GPR39: variants seen among roughly 807,000 people sequenced by gnomAD.
GPR39 encodes G protein-coupled receptor 39, also known as zinc sensing receptor.
Under a neutral mutation model 18.4 loss-of-function variants are expected in GPR39, and 23 were observed. That is an observed-to-expected ratio of 1.25 (90% confidence interval 0.90 to 1.77). The LOEUF (loss-of-function observed/expected upper bound fraction) is 1.77, where lower values mean the gene tolerates loss of function less well. Among genes scored for constraint, GPR39 ranks in the 40% most tolerant of loss-of-function variants. The probability of loss-of-function intolerance (pLI) is 0.00; values close to 1 mark genes in which losing one functional copy is unlikely to be tolerated. For synonymous variants in GPR39, 280 were observed against 257.9 expected, an observed-to-expected ratio of 1.09 and a Z score of -0.82; for missense variants, 647 against 602.4, an observed-to-expected ratio of 1.07 and a Z score of -0.78.
At chr2:132,438,375 C>A (rs997117886) in intron 1 of GPR39, among the ~76,000 whole-genome samples, 5 of 152,080 alleles carry the variant, frequency 3.3e-5, no homozygotes, top group Non-Finnish European at 2.9e-5. Flanking sequence ...CTCAAGTGAT[C>A]CTCCTGTCTT....
Position 132,645,416 on chromosome 2 carries a change from C to G in GPR39, c.1172C>G (p.Pro391Arg), listed in dbSNP as rs200090353. The G allele has an allele frequency of 1.3e-5, 21 of 1,613,446 alleles. No individual in the cohort carries two copies. Among genetic ancestry groups the G allele is most frequent in the Non-Finnish European group, 1.6e-5 (19 of 1,180,032 alleles). ...TTDSARFVQR[P>R]LLFASRRQSS... ...GACAGCGCCCGCTTTGTGCAGCGCC[C>G]GTTGCTCTTCGCGTCCCGGCGCCAG... Residue 391 changes from proline to arginine, a missense_variant, in exon 2 of 2, where the codon CCG (proline) becomes CGG (arginine). By Grantham distance (103) the Pro-to-Arg change is moderately radical (BLOSUM62 -2). Around this residue, in one of 3 missense-constraint regions of GPR39, gnomAD observed 581 missense variants for 506.8 expected, o/e 1.15. Coordinates refer to ENST00000329321, the MANE Select transcript of GPR39 (RefSeq NM_001508.3).
rs548032534 is a variant in GPR39, at chr2:132,563,489, A to C, written c.857-81612A>C. Among the ~76,000 whole-genome samples the C allele has an allele frequency of 2.0e-5, 3 of 152,220 alleles. No individual in the cohort carries two copies. The East Asian group carries it at 5.8e-4, about 29-fold the overall frequency. On this transcript the variant is annotated intron_variant, in intron 1 of 1. Transcript: ENST00000329321. ...CTTGGGAGGCTGAGGTAGGAGTAAA[A>C]ATAAAATGAGTATCCTGTTTATAAA... is the stretch of plus-strand genomic sequence containing the variant.
intron 1 of GPR39, among the ~76,000 whole-genome samples, chr2:132,563,102 G>A (rs1654881794): frequency 6.6e-6 from 1 of 152,164 alleles, no homozygotes; most frequent in Admixed American, 6.5e-5. Context: ...TCTGATTCCA[G>A]GGATAAGGAT....
intron 1 of GPR39, among the ~76,000 whole-genome samples, chr2:132,559,790 AC>A (rs1162625205): frequency 1.3e-5 from 2 of 152,092 alleles, no homozygotes; most frequent in African/African-American, 4.8e-5. Flanking sequence ...TGTTCCAATC[AC>A]CTGGGGACCT....
intron 1 of GPR39, among the ~76,000 whole-genome samples, chr2:132,512,602 C>T (rs1233633290): frequency 6.6e-6 from 1 of 152,208 alleles, no homozygotes; most frequent in Non-Finnish European, 1.5e-5. Flanking sequence ...GTTACCTCAT[C>T]TCCCTGAGCC....
At chr2:132,637,510 C>T (rs1681783827) in intron 1 of GPR39, among the ~76,000 whole-genome samples, 1 of 152,234 alleles carries the variant, frequency 6.6e-6, no homozygotes, top group Non-Finnish European at 1.5e-5. Context: ...GCATTTACAT[C>T]ATTTTGAAGT....
chr2:132,586,032 G>A (rs1680724303), intron 1 of GPR39, among the ~76,000 whole-genome samples: 1 of 140,798 alleles, frequency 7.1e-6, no homozygotes, highest in Non-Finnish European at 1.5e-5. Flanking sequence ...TCCCATTTGT[G>A]GCGTCTGATT....
At chr2:132,524,899 A>G (rs1679482920) in intron 1 of GPR39, among the ~76,000 whole-genome samples, 1 of 152,142 alleles carries the variant, frequency 6.6e-6, no homozygotes, top group Non-Finnish European at 1.5e-5. Flanking sequence ...CCCTCCTTGA[A>G]TTCACGCTTC....
intron 1 of GPR39, among the ~76,000 whole-genome samples, chr2:132,541,241 G>A (rs1679856222): frequency 6.6e-6 from 1 of 151,990 alleles, no homozygotes; most frequent in African/African-American, 2.4e-5. Context: ...GTGTCACCAC[G>A]CTCAGCTAAT....
chr2:132,617,088 C>A (rs900790696), intron 1 of GPR39, among the ~76,000 whole-genome samples: 3 of 152,200 alleles, frequency 2.0e-5, no homozygotes, highest in African/African-American at 7.2e-5. Context: ...TTGGGTCTTC[C>A]AGTGCACACA....
chr2:132,600,053 T>TG (rs1288476877), intron 1 of GPR39, among the ~76,000 whole-genome samples: 1 of 152,234 alleles, frequency 6.6e-6, no homozygotes, highest in Non-Finnish European at 1.5e-5. Flanking sequence ...GTCTATACTT[T>TG]GGAGGTTACC....
In GPR39 at chr2:132,565,577, A is replaced by G. The variant is rs1188029019; in HGVS notation, c.857-79524A>G. ...CCCCCCACCCCACCACAGTCCCCAGAGTGTGATATTCCCCTTCATGTGTCC... is the reference window on the plus strand; with the variant it reads ...CCCCCCACCCCACCACAGTCCCCAGGGTGTGATATTCCCCTTCATGTGTCC... On this transcript the variant is annotated intron_variant, in intron 1 of 1. Transcript: ENST00000329321. 1.6e-3 allele frequency among the ~76,000 whole-genome samples: 187 copies of G among 114,078 alleles called. 1 individual carries two copies. Among genetic ancestry groups the G allele is most frequent in the African/African-American group, 5.7e-3 (164 of 28,966 alleles). 74.8% of individuals were successfully genotyped at this position (114,078 alleles called of 152,430 possible). A position where few individuals can be genotyped will look rare whatever the true frequency, so the allele number is the denominator to read the frequency against.
Position 132,585,866 on chromosome 2 carries a change from ATGT to A in GPR39, c.857-59227_857-59225del, listed in dbSNP as rs369084250. Among the ~76,000 whole-genome samples the A allele has an allele frequency of 9.7e-5, 14 of 144,128 alleles. No individual in the cohort carries two copies. The East Asian group carries it at 3.2e-3, about 33-fold the overall frequency. The allele number at this position is 144,128 out of a possible 152,430, so 94.6% of individuals were successfully genotyped here. ...AGGTGAAGGCCCCTGGGTTGGGCTT[ATGT>A]TGTTGTTATCGTGGGGTACCCGAGG... On this transcript the variant is annotated intron_variant, in intron 1 of 1. Transcript: ENST00000329321.
chr2:132,551,197 GCCA>G (rs536862386), intron 1 of GPR39, among the ~76,000 whole-genome samples: 349 of 149,646 alleles, frequency 2.3e-3, no homozygotes, highest in Non-Finnish European at 3.8e-3. Context: ...TAAGACAACT[GCCA>G]CAGTGCCAGC....
intron 1 of GPR39, among the ~76,000 whole-genome samples, chr2:132,499,924 A>C (rs1183658276): frequency 2.0e-5 from 3 of 152,184 alleles, no homozygotes; most frequent in Non-Finnish European, 2.9e-5. Flanking sequence ...ATTTGTGTAC[A>C]TTAATTTTGT....
intron 1 of GPR39, among the ~76,000 whole-genome samples, chr2:132,597,579 A>T (rs1160402938): frequency 6.6e-6 from 1 of 152,036 alleles, no homozygotes; most frequent in South Asian, 2.1e-4. Flanking sequence ...ATCCAGAAGC[A>T]CTCTTGGAAG....
chr2:132,617,918 T>C (rs1372155812), intron 1 of GPR39, among the ~76,000 whole-genome samples: 1 of 152,198 alleles, frequency 6.6e-6, no homozygotes, highest in Non-Finnish European at 1.5e-5. Flanking sequence ...CCAAAATAGA[T>C]GGAATTAACA....
intron 1 of GPR39, among the ~76,000 whole-genome samples, chr2:132,627,752 C>A (rs1324729805): frequency 6.6e-6 from 1 of 152,156 alleles, no homozygotes; most frequent in Non-Finnish European, 1.5e-5. Flanking sequence ...TTGAAAGGAG[C>A]CTCGGCCGTG....
In GPR39 at chr2:132,532,588, C is replaced by A. The variant is rs954201435; in HGVS notation, c.857-112513C>A. The stretch of plus-strand genomic sequence containing the variant: ...TATCCTTGATGAACATTGATGCAAA[C>A]ATCCTCAATAAAATACTGGCAAACC... On this transcript the variant is annotated intron_variant, in intron 1 of 1. Transcript: ENST00000329321. Among the ~76,000 whole-genome samples, 17 of 152,210 alleles carry A rather than the reference C, an allele frequency of 1.1e-4. No individual in the cohort carries two copies. The East Asian group carries it at 1.2e-3, about 10-fold the overall frequency.
Sources: allele counts gnomAD v4.1 joint callset (sites outside exome capture counted in the v4.1 genomes callset), GRCh38; gene constraint gnomAD v4.1.1; regional missense constraint gnomAD v4.1.1; transcripts MANE v1.5; gene names NCBI Gene and HGNC (gene_info 2026-07-23, HGNC 2026-07-21).